Variants in TTC1 observed in about 807,000 individuals in gnomAD.
TTC1 encodes the protein tetratricopeptide repeat domain 1, also known as tetratricopeptide repeat protein 1.
In TTC1, 31 loss-of-function variants were observed where a neutral mutation model predicts 37.6. The observed-to-expected ratio is 0.82, with a 90% CI of 0.62 to 1.11. TTC1 has a LOEUF of 1.11. Among genes scored for constraint, TTC1 ranks in the 50% most tolerant of loss-of-function variants. The pLI is 0.00. For missense variants in TTC1, 351 were observed against 339.0 expected, an observed-to-expected ratio of 1.04 and a Z score of -0.28; for synonymous variants, 127 against 122.4, an observed-to-expected ratio of 1.04 and a Z score of -0.25.
At chr5:160,014,835 A>G (rs114054222) in intron 2 of TTC1, among the ~76,000 whole-genome samples, 1,770 of 152,368 alleles carry the variant, frequency 0.012, 23 homozygotes, top group African/African-American at 0.024. Flanking sequence ...ACACAAATGT[A>G]TATACATAGA....
chr5:160,016,194 A>G (rs1756602681), intron 2 of TTC1, among the ~76,000 whole-genome samples: 1 of 152,196 alleles, frequency 6.6e-6, no homozygotes, highest in Non-Finnish European at 1.5e-5. Flanking sequence ...CCTGGCCAAC[A>G]TGGTGAAACC....
intron 2 of TTC1, among the ~76,000 whole-genome samples, chr5:160,023,138 C>A (rs1409920111): frequency 6.6e-6 from 1 of 152,066 alleles, no homozygotes; most frequent in Non-Finnish European, 1.5e-5. Context: ...CGCCTATAAT[C>A]CCAGCTACTC....
At chr5:160,010,007 T>C (rs778451307) in intron 1 of TTC1, among the ~76,000 whole-genome samples, 2 of 152,158 alleles carry the variant, frequency 1.3e-5, no homozygotes, top group African/African-American at 2.4e-5. Flanking sequence ...CTTGGCACTG[T>C]TTTAGTTTCT....
intron 2 of TTC1, among the ~76,000 whole-genome samples, chr5:160,032,658 G>A (rs1756930630): frequency 6.9e-6 from 1 of 144,294 alleles, no homozygotes; most frequent in Non-Finnish European, 1.5e-5. Context: ...TAAAAGACAT[G>A]CATTCTGCTT....
chr5:160,061,201 G>A (rs529949299), intron 7 of TTC1, among the ~76,000 whole-genome samples: 50 of 152,300 alleles, frequency 3.3e-4, no homozygotes, highest in Middle Eastern at 6.8e-3. Flanking sequence ...GGGCTTGCAC[G>A]GACAGCACCT....
chr5:160,009,827 C>G (rs573269532), intron 1 of TTC1, among the ~76,000 whole-genome samples: 1 of 152,204 alleles, frequency 6.6e-6, no homozygotes, highest in South Asian at 2.1e-4. Context: ...GTGGGCTCTA[C>G]CACACGCATT....
At chr5:160,009,429 TGTC>T (rs747804202) in intron 1 of TTC1, among the ~76,000 whole-genome samples, 5 of 152,242 alleles carry the variant, frequency 3.3e-5, no homozygotes, top group South Asian at 2.1e-4. Flanking sequence ...TTCAGACTCT[TGTC>T]GTGATACAAG....
chr5:160,044,873 A>AT (rs1264842310), intron 5 of TTC1, among the ~76,000 whole-genome samples: 2 of 151,990 alleles, frequency 1.3e-5, no homozygotes, highest in South Asian at 2.1e-4. Context: ...TGACACTCTA[A>AT]TTTTTTATTT....
chr5:160,048,441 C>T (rs917483329), intron 5 of TTC1, among the ~76,000 whole-genome samples: 1 of 152,038 alleles, frequency 6.6e-6, no homozygotes, highest in African/African-American at 2.4e-5. Context: ...GGGCCTGAGC[C>T]ACCACACCCG....
intron 7 of TTC1, among the ~76,000 whole-genome samples, chr5:160,060,236 C>G (rs1163899435): frequency 2.6e-5 from 4 of 152,212 alleles, no homozygotes; most frequent in African/African-American, 9.7e-5. Context: ...GATGAAAACA[C>G]AGCATTCCTG....
At chr5:160,018,425 G>A (rs1005655126) in intron 2 of TTC1, among the ~76,000 whole-genome samples, 13 of 152,286 alleles carry the variant, frequency 8.5e-5, no homozygotes, top group African/African-American at 2.6e-4. Flanking sequence ...GGGGAGGGTG[G>A]CACTGGGAGC....
chr5:160,049,380 G>A (rs997625053), intron 5 of TTC1, 134 bp from the exon 6 acceptor site: 1 of 778,162 alleles, frequency 1.3e-6, no homozygotes, highest in Non-Finnish European at 1.9e-6. Flanking sequence ...AAGTTTTCCA[G>A]CATCAGGTAT....
intron 5 of TTC1, among the ~76,000 whole-genome samples, chr5:160,047,154 ACT>A (rs1757274388): frequency 6.6e-6 from 1 of 152,068 alleles, no homozygotes; most frequent in Non-Finnish European, 1.5e-5. Flanking sequence ...TCTGTCTTCA[ACT>A]CTGACTTCTA....
At chr5:160,051,082 G>GTTTTTTTTT in intron 6 of TTC1, 47 bp from the exon 7 acceptor site, 1 of 1,236,524 alleles carries the variant, frequency 8.1e-7, no homozygotes, top group Non-Finnish European at 1.1e-6. Context: ...AAAGGTTTTG[G>GTTTTTTTTT]TTTTTTTTTT....
At chr5:160,056,143 A>G (rs1258008494) in intron 7 of TTC1, among the ~76,000 whole-genome samples, 1 of 152,140 alleles carries the variant, frequency 6.6e-6, no homozygotes, top group Non-Finnish European at 1.5e-5. Context: ...GTTACTTGAA[A>G]CTTATCTACT....
Position 160,064,916 on chromosome 5 carries a change from T to C in TTC1, c.746-16T>C. ...TCATTCCTGTATTCATTTGAGTTTT[T>C]GCTTTTACATTACAGGTAAATTAAA... On this transcript the variant is annotated splice_polypyrimidine_tract_variant and intron_variant, in intron 7 of 7. Transcript: ENST00000231238. The C allele has an allele frequency of 6.2e-7, 1 of 1,604,296 alleles. No homozygotes were observed. Among genetic ancestry groups the C allele is most frequent in the Non-Finnish European group, 8.5e-7 (1 of 1,177,598 alleles).
intron 2 of TTC1, chr5:160,023,752 T>C (rs1756755418): frequency 1.2e-6 from 2 of 1,612,454 alleles, no homozygotes; most frequent in Non-Finnish European, 1.7e-6. Flanking sequence ...GCTTCTTCTT[T>C]TTCTTCTTCT....
chr5:160,028,561 C>A (rs1442559555), intron 2 of TTC1, among the ~76,000 whole-genome samples: 2 of 152,128 alleles, frequency 1.3e-5, no homozygotes, highest in Non-Finnish European at 2.9e-5. Flanking sequence ...ATGGCCTCAA[C>A]TTCCTGGGCT....
At chr5:160,045,514 A>ACTCTC (rs57730976) in intron 5 of TTC1, among the ~76,000 whole-genome samples, 22 of 29,732 alleles carry the variant, frequency 7.4e-4, no homozygotes, top group African/African-American at 8.9e-4. Context: ...ACACACACAC[A>ACTCTC]TACACACTCT....
Sources: allele counts gnomAD v4.1 joint callset (sites outside exome capture counted in the v4.1 genomes callset), GRCh38; gene constraint gnomAD v4.1.1; transcripts MANE v1.5; gene names NCBI Gene and HGNC (gene_info 2026-07-23, HGNC 2026-07-21).